The following CENPL variants were observed in gnomAD, a reference collection of about 807,000 sequenced individuals.
CENPL encodes the protein centromere protein L, also known as interphase centromere complex protein 33.
In CENPL, 20 loss-of-function variants were observed where a neutral mutation model predicts 35.2. The observed-to-expected ratio is 0.57, with a 90% CI of 0.40 to 0.83. The LOEUF (loss-of-function observed/expected upper bound fraction) is 0.83, where lower values mean the gene tolerates loss of function less well. Ranked by LOEUF, CENPL falls within the 40% of genes least tolerant of loss-of-function variation. The pLI, the probability that CENPL is intolerant of heterozygous loss-of-function variation, is 0.00. For missense variants in CENPL, 363 were observed against 395.8 expected (o/e 0.92, Z 0.70); for synonymous variants, 140 against 140.6 (o/e 1.00, Z 0.03).
At chr1:173,824,883 CGCCTCT>C, upstream of CENPL, 1 of 345,918 alleles carries the variant, frequency 2.9e-6, no homozygotes, top group Non-Finnish European at 5.7e-6. Context: ...ACCTTGTGAC[CGCCTCT>C]GGTTGTCTTG....
At chr1:173,819,753 G>A (rs964297704) in intron 2 of CENPL, among the ~76,000 whole-genome samples, 6 of 151,984 alleles carry the variant, frequency 3.9e-5, no homozygotes, top group African/African-American at 7.2e-5. Flanking sequence ...GTGCAATGGC[G>A]CGATCTCGGC....
chr1:173,809,224 T>C (rs900209592), intron 3 of CENPL, among the ~76,000 whole-genome samples: 1 of 152,018 alleles, frequency 6.6e-6, no homozygotes, highest in Non-Finnish European at 1.5e-5. Context: ...GCACCTGTAG[T>C]GCCAGCTACT....
chr1:173,813,363 C>T (rs1056433529), intron 2 of CENPL, among the ~76,000 whole-genome samples: 1 of 152,076 alleles, frequency 6.6e-6, no homozygotes, highest in African/African-American at 2.4e-5. Flanking sequence ...AACCCCAAGA[C>T]ACGTAATTGT....
chr1:173,817,646 C>T (rs1571966996), intron 2 of CENPL, among the ~76,000 whole-genome samples: 1 of 152,134 alleles, frequency 6.6e-6, no homozygotes, highest in Non-Finnish European at 1.5e-5. Context: ...CCAGCGATCC[C>T]GTTACTGGGT....
chr1:173,803,103 C>T lies in CENPL; in HGVS notation c.823G>A (p.Val275Ile). The change falls in exon 5 of 6, where the codon GTT (valine) becomes ATT (isoleucine). Residue 275 changes from valine to isoleucine, a missense_variant. Transcript: ENST00000682279. ...WDSVHKTPGE[V>I]TQEEVDLFMD... ...AATAGGTCAACTTCTTCCTGGGTAA[C>T]CTCCCCAGGTGTTTTGTGGACACTG... 1 of 1,613,972 alleles carries T rather than the reference C, an allele frequency of 6.2e-7. No individual in the cohort carries two copies. Among genetic ancestry groups the T allele is most frequent in the Non-Finnish European group, 8.5e-7 (1 of 1,179,818 alleles).
intron 2 of CENPL, chr1:173,822,178 T>A (rs573351035): frequency 6.6e-6 from 1 of 152,324 alleles, no homozygotes; most frequent in East Asian, 1.9e-4. Flanking sequence ...TTCAGCAATC[T>A]CTTTCTTCCA....
intron 4 of CENPL, 107 bp from the exon 5 acceptor site, chr1:173,803,612 T>C (rs1022094628): frequency 1.0e-6 from 1 of 1,001,826 alleles, no homozygotes. Context: ...ATGTAATACT[T>C]GCAAAAAAAA....
intron 5 of CENPL, 94 bp downstream of exon 5, chr1:173,802,867 AGT>A (rs1481295445): frequency 5.1e-6 from 4 of 790,076 alleles, no homozygotes; most frequent in Non-Finnish European, 8.1e-6. Flanking sequence ...AATACATTCA[AGT>A]GTGTTTCTTC....
Position 173,803,381 on chromosome 1 carries a change from G to A in CENPL, c.545C>T (p.Pro182Leu), listed in dbSNP as rs1649929036. 1 of 1,613,790 alleles carries A rather than the reference G, an allele frequency of 6.2e-7. No individual in the cohort carries two copies. ...CTCTGCTCCATTTGCAAGGAATAAG[G>A]GCAGACAGGTGAAATCTTCTGAAAC... ...ETVSEDFTCL[P>L]LFLANGAESN... is the part of the protein sequence containing the mutation. The change falls in exon 5 of 6, where the codon CCC becomes CTC. Residue 182 changes from proline (P) to leucine (L), a missense_variant. Transcript: ENST00000682279.
chr1:173,800,458 T>C lies in CENPL; in HGVS notation c.1025A>G (p.Gln342Arg). ...AGTCCACATAAGGCTTCACTCAATT[T>C]GAAAAATTGCCAGTTCTGTCAAATA... is the stretch of plus-strand genomic sequence containing the variant. Reference protein sequence around the residue: ...LAYLTELAIFQIE With the variant: ...LAYLTELAIFRIE Residue 342 changes from glutamine to arginine, a missense_variant, in exon 6 of 6, where the codon CAA (glutamine) becomes CGA (arginine). Physicochemically the swap from Gln to Arg is conservative, Grantham distance 43 (BLOSUM62 1). Transcript: ENST00000682279. 7.2e-7 allele frequency: 1 copy of C among 1,395,076 alleles called. No individual in the cohort carries two copies. Among genetic ancestry groups the C allele is most frequent in the Non-Finnish European group, 1.0e-6 (1 of 982,440 alleles). 86.4% of individuals were successfully genotyped at this position (1,395,076 alleles called of 1,614,324 possible).
At chr1:173,806,506 C>T (rs1467550495) in intron 4 of CENPL, 12 of 442,126 alleles carry the variant, frequency 2.7e-5, no homozygotes, top group African/African-American at 1.4e-4. Context: ...ATCACTTGAG[C>T]CCAGGAGACA....
At position 173,819,456 on chromosome 1, in the gene CENPL, T is replaced by C. The variant is rs576126549; in HGVS notation, c.-8+4470A>G. Among the ~76,000 whole-genome samples, 11 of 151,868 alleles carry C rather than the reference T, an allele frequency of 7.2e-5. No individual in the cohort carries two copies. In the South Asian group the frequency reaches 1.2e-3, roughly 17 times the overall value. On this transcript the variant is annotated intron_variant, in intron 2 of 5. Coordinates refer to ENST00000682279, the MANE Select transcript of CENPL (RefSeq NM_001387287.1). Reference sequence around the variant, plus strand: ...AAAAACAAAAATTAGCTGGGTATGGTGGCACACACCTGTAGTCCCAGCTAC... The same window carrying C: ...AAAAACAAAAATTAGCTGGGTATGGCGGCACACACCTGTAGTCCCAGCTAC...
chr1:173,807,522 T>TAA lies in CENPL; in HGVS notation c.169-6_169-5dup. 1 of 1,437,872 alleles carries TAA rather than the reference T, an allele frequency of 7.0e-7. No homozygotes were observed. The highest frequency in any genetic ancestry group is 9.2e-7 in the Non-Finnish European group (1 of 1,082,172). 89.1% of individuals were successfully genotyped at this position (1,437,872 alleles called of 1,614,324 possible). ...CCTTTTGAGGGTCAACATCTTCCTA[T>TAA]AAAAAAAAATCAAGACAAAAGAAGT... On this transcript the variant is annotated splice_region_variant and splice_polypyrimidine_tract_variant and intron_variant, in intron 3 of 5. Coordinates refer to ENST00000682279, the MANE Select transcript of CENPL (RefSeq NM_001387287.1).
Position 173,803,451 on chromosome 1 carries a change from T to C in CENPL, c.475A>G (p.Thr159Ala), listed in dbSNP as rs1272127836. 3 of 1,611,806 alleles carry C rather than the reference T, an allele frequency of 1.9e-6. No homozygotes were observed. Among genetic ancestry groups the C allele is most frequent in the Admixed American group, 1.7e-5 (1 of 59,852 alleles). The change falls in exon 5 of 6, where the codon ACT (threonine) becomes GCT (alanine). Residue 159 changes from threonine to alanine, a missense_variant. Transcript: ENST00000682279. Reference sequence around the variant, plus strand: ...CCAAATACACAGCAGAACCAGCCAGTCCACAGCACTTTACCTTCTCTATTC... The same window carrying C: ...CCAAATACACAGCAGAACCAGCCAGCCCACAGCACTTTACCTTCTCTATTC... ...SENREGKVLW[T>A]GWFCCVFGDS...
intron 3 of CENPL, among the ~76,000 whole-genome samples, chr1:173,809,329 C>CA (rs1650576823): frequency 6.7e-6 from 1 of 149,456 alleles, no homozygotes; most frequent in Non-Finnish European, 1.5e-5. Context: ...GGTGATAGAG[C>CA]AAGACTCCCA....
intron 3 of CENPL, among the ~76,000 whole-genome samples, chr1:173,810,152 C>T (rs537563673): frequency 1.3e-5 from 2 of 152,268 alleles, no homozygotes; most frequent in Admixed American, 6.5e-5. Flanking sequence ...AAATGTGGTA[C>T]ATATACACCA....
intron 2 of CENPL, among the ~76,000 whole-genome samples, chr1:173,811,523 A>C (rs774150923): frequency 1.3e-5 from 2 of 152,240 alleles, no homozygotes; most frequent in Non-Finnish European, 2.9e-5. Flanking sequence ...GTATATGTTC[A>C]AAACTAAATT....
chr1:173,819,227 C>A (rs1651705202), intron 2 of CENPL, among the ~76,000 whole-genome samples: 1 of 151,918 alleles, frequency 6.6e-6, no homozygotes, highest in Non-Finnish European at 1.5e-5. Context: ...CAGCAAGACC[C>A]TCTCAAGAAA....
At chr1:173,816,284 A>G (rs1651369003) in intron 2 of CENPL, among the ~76,000 whole-genome samples, 1 of 152,140 alleles carries the variant, frequency 6.6e-6, no homozygotes, top group Non-Finnish European at 1.5e-5. Context: ...ATTCAGTGCC[A>G]TCCCCATCAA....
Sources: allele counts gnomAD v4.1 joint callset (sites outside exome capture counted in the v4.1 genomes callset), GRCh38; gene constraint gnomAD v4.1.1; transcripts MANE v1.5; gene names NCBI Gene and HGNC (gene_info 2026-07-23, HGNC 2026-07-21).